CXCL13: variants seen among roughly 807,000 people sequenced by gnomAD.
CXCL13 encodes the protein C-X-C motif chemokine ligand 13, also known as C-X-C motif chemokine 13.
CXCL13 carries 7 observed loss-of-function variants against 12.2 expected under a neutral mutation model. The observed-to-expected ratio is 0.57, with a 90% confidence interval of 0.33 to 1.07. The LOEUF (loss-of-function observed/expected upper bound fraction) is 1.07. CXCL13 is among the 50% of genes least tolerant of loss of function. The pLI is 0.04. For synonymous variants in CXCL13, 47 were observed against 42.4 expected, an observed-to-expected ratio of 1.11 and a Z score of -0.42; for missense variants, 113 against 127.4, an observed-to-expected ratio of 0.89 and a Z score of 0.55.
chr4:77,522,219 A>G (rs936306789), intron 1 of CXCL13, among the ~76,000 whole-genome samples: 5 of 152,108 alleles, frequency 3.3e-5, no homozygotes, highest in Admixed American at 3.3e-4. Context: ...GTAGATGTCT[A>G]TTAGGTCTGC....
intron 1 of CXCL13, among the ~76,000 whole-genome samples, chr4:77,531,182 G>A (rs1400182184): frequency 1.3e-5 from 2 of 149,780 alleles, no homozygotes; most frequent in Admixed American, 1.3e-4. Flanking sequence ...GTGCTGGTTT[G>A]TTACATATGT....
At chr4:77,604,523 A>G (rs1002176621), upstream of CXCL13, among the ~76,000 whole-genome samples, 6 of 152,004 alleles carry the variant, frequency 3.9e-5, no homozygotes, top group Non-Finnish European at 8.8e-5. Flanking sequence ...GAATTAGGAC[A>G]AAATTCAACC....
rs537240624 is a variant in CXCL13, at chr4:77,534,779, A to C, written c.-43+22991A>C. On this transcript the variant is annotated intron_variant, in intron 1 of 4. Coordinates refer to the CXCL13 transcript ENST00000286758. ...CATCTCCTGCCTTCACACCTGCAAA[A>C]TGTTGGGGTTGGACCATAAAGAAGC... 2.8e-3 allele frequency among the ~76,000 whole-genome samples: 420 copies of C among 152,272 alleles called. 2 individuals carry two copies. Among genetic ancestry groups the C allele is most frequent in the African/African-American group, 9.0e-3 (374 of 41,572 alleles).
At chr4:77,562,304 C>A (rs1725835370) in intron 1 of CXCL13, among the ~76,000 whole-genome samples, 3 of 151,900 alleles carry the variant, frequency 2.0e-5, no homozygotes, top group African/African-American at 7.3e-5. Context: ...GTCCCATCGA[C>A]TGCCCAAGGG....
chr4:77,598,995 G>A (rs954471226), intron 1 of CXCL13, among the ~76,000 whole-genome samples: 1 of 152,024 alleles, frequency 6.6e-6, no homozygotes, highest in Non-Finnish European at 1.5e-5. Flanking sequence ...TTTTAGTAGA[G>A]CCAGGGTTTC....
At chr4:77,547,978 T>A (rs1408038660) in intron 1 of CXCL13, among the ~76,000 whole-genome samples, 1 of 152,180 alleles carries the variant, frequency 6.6e-6, no homozygotes, top group Non-Finnish European at 1.5e-5. Flanking sequence ...ATTTTATATC[T>A]CATTTGTTTA....
chr4:77,542,154 A>G (rs1725219302), intron 1 of CXCL13, among the ~76,000 whole-genome samples: 1 of 152,140 alleles, frequency 6.6e-6, no homozygotes, highest in Admixed American at 6.6e-5. Flanking sequence ...ATCATCAGAG[A>G]AGACAGATAG....
intron 1 of CXCL13, among the ~76,000 whole-genome samples, chr4:77,567,894 T>A (rs1725976275): frequency 6.6e-6 from 1 of 152,196 alleles, no homozygotes; most frequent in South Asian, 2.1e-4. Context: ...ACCATAAAAA[T>A]AGCCAACCAG....
chr4:77,546,481 T>C (rs1725367892), intron 1 of CXCL13, among the ~76,000 whole-genome samples: 1 of 152,148 alleles, frequency 6.6e-6, no homozygotes, highest in Admixed American at 6.5e-5. Context: ...CTTGGGAGGG[T>C]GTATGTGTCC....
At chr4:77,514,529 T>C (rs1724365330) in intron 1 of CXCL13, among the ~76,000 whole-genome samples, 1 of 147,126 alleles carries the variant, frequency 6.8e-6, no homozygotes, top group African/African-American at 2.5e-5. Flanking sequence ...CTCATTGTGG[T>C]TTTGATTTGC....
chr4:77,559,854 G>A (rs1193214355), intron 1 of CXCL13, among the ~76,000 whole-genome samples: 4 of 150,068 alleles, frequency 2.7e-5, no homozygotes, highest in Admixed American at 1.3e-4. Context: ...CCTGGGACAC[G>A]GAGCTTGCAG....
rs575384707 is a variant in CXCL13 at position 77,527,942 on chromosome 4, A to C, written c.-43+16154A>C. Among the ~76,000 whole-genome samples, 93 of 151,256 alleles carry C rather than the reference A, an allele frequency of 6.1e-4. 1 individual carries two copies. Among genetic ancestry groups the C allele is most frequent in the African/African-American group, 2.2e-3 (90 of 41,140 alleles). ...TATCCCTCCCCTATCCCCCCACCCC[A>C]CAACAGGCCCTGGTGTGTGATGTTC... On this transcript the variant is annotated intron_variant, in intron 1 of 4. Coordinates refer to the CXCL13 transcript ENST00000286758.
intron 1 of CXCL13, among the ~76,000 whole-genome samples, chr4:77,549,665 A>T (rs751757694): frequency 2.0e-5 from 3 of 152,194 alleles, no homozygotes; most frequent in Non-Finnish European, 2.9e-5. Flanking sequence ...TCACCAGCAG[A>T]GGCTGCAGAA....
intron 1 of CXCL13, among the ~76,000 whole-genome samples, chr4:77,531,074 T>G (rs970231123): frequency 2.0e-5 from 3 of 149,730 alleles, no homozygotes; most frequent in South Asian, 2.1e-4. Context: ...TTTCCATGTA[T>G]TTGAGTGTTT....
intron 1 of CXCL13, among the ~76,000 whole-genome samples, chr4:77,535,712 A>G (rs550784025): frequency 2.0e-5 from 3 of 152,314 alleles, no homozygotes; most frequent in East Asian, 3.9e-4. Context: ...TGGAGAGGCT[A>G]GCCATAGATG....
At chr4:77,577,115 T>C (rs1399358712) in intron 1 of CXCL13, among the ~76,000 whole-genome samples, 2 of 152,184 alleles carry the variant, frequency 1.3e-5, no homozygotes, top group African/African-American at 4.8e-5. Flanking sequence ...CCTGCAAATC[T>C]TGCCAGGTGA....
intron 2 of CXCL13, among the ~76,000 whole-genome samples, chr4:77,608,957 T>G (rs1051927411): frequency 2.6e-5 from 4 of 152,240 alleles, no homozygotes; most frequent in African/African-American, 9.7e-5. Flanking sequence ...TAACTTTGAT[T>G]GTTTTGAAAT....
chr4:77,548,065 T>A (rs1052182041), intron 1 of CXCL13, among the ~76,000 whole-genome samples: 1 of 152,166 alleles, frequency 6.6e-6, no homozygotes, highest in Non-Finnish European at 1.5e-5. Context: ...GTGTTTAATA[T>A]CAATTTCTGA....
At chr4:77,519,123 G>A (rs1302391232) in intron 1 of CXCL13, among the ~76,000 whole-genome samples, 1 of 152,172 alleles carries the variant, frequency 6.6e-6, no homozygotes, top group African/African-American at 2.4e-5. Flanking sequence ...TGTGAACCGT[G>A]AATGCTGCTG....
Sources: allele counts gnomAD v4.1 joint callset (sites outside exome capture counted in the v4.1 genomes callset), GRCh38; gene constraint gnomAD v4.1.1; transcripts MANE v1.5; gene names NCBI Gene and HGNC (gene_info 2026-07-23, HGNC 2026-07-21).